GON4L: variants seen among roughly 807,000 people sequenced by gnomAD.
The protein encoded by GON4L is GON-4-like protein.
Under a neutral mutation model 211.8 loss-of-function variants are expected in GON4L, and 87 were observed. That is an observed-to-expected ratio of 0.41 (90% CI 0.35 to 0.49). The LOEUF (loss-of-function observed/expected upper bound fraction) is 0.49, where lower values mean the gene tolerates loss of function less well. Among genes scored for constraint, GON4L ranks in the 20% least tolerant of loss-of-function variants. The probability of loss-of-function intolerance (pLI) is 0.15; values close to 1 mark genes in which losing one functional copy is unlikely to be tolerated. For missense variants in GON4L, 2,155 were observed against 2,659.5 expected (o/e 0.81, Z 4.17); for synonymous variants, 875 against 962.6 (o/e 0.91, Z 1.68).
At chr1:155,834,607 A>G (rs1204176980) in intron 2 of GON4L, among the ~76,000 whole-genome samples, 1 of 152,174 alleles carries the variant, frequency 6.6e-6, no homozygotes, top group Non-Finnish European at 1.5e-5. Context: ...GATCAAAGAA[A>G]CTGGCCAAAA....
At chr1:155,842,146 G>A (rs1245390528) in intron 2 of GON4L, among the ~76,000 whole-genome samples, 3 of 152,124 alleles carry the variant, frequency 2.0e-5, no homozygotes, top group African/African-American at 7.2e-5. Flanking sequence ...AGGTTCAAAA[G>A]GCACTCTAAG....
intron 2 of GON4L, among the ~76,000 whole-genome samples, 170 bp downstream of exon 2, chr1:155,853,106 G>A (rs1174679196): frequency 2.0e-5 from 3 of 151,790 alleles, no homozygotes; most frequent in Non-Finnish European, 4.4e-5. Flanking sequence ...GCAAGACTCC[G>A]TCTCAAGAAA....
At chr1:155,759,966 T>A (rs866354710) in intron 24 of GON4L, among the ~76,000 whole-genome samples, 3 of 96,012 alleles carry the variant, frequency 3.1e-5, no homozygotes, top group East Asian at 2.1e-4. Flanking sequence ...TTTTATATAT[T>A]ATATATATAT....
At chr1:155,750,856 T>G in intron 31 of GON4L, 123 bp from the exon 32 acceptor site, 1 of 901,614 alleles carries the variant, frequency 1.1e-6, no homozygotes, top group East Asian at 2.8e-5. Flanking sequence ...CTCCGTCTCC[T>G]GGGTTCAAGC....
At position 155,765,742 on chromosome 1, in the gene GON4L, C is replaced by T; in HGVS notation, c.3731G>A (p.Gly1244Asp). 6.2e-7 allele frequency: 1 copy of T among 1,614,178 alleles called. No individual in the cohort carries two copies. The highest frequency in any genetic ancestry group is 8.5e-7 in the Non-Finnish European group (1 of 1,180,042). The change falls in exon 21 of 32, where the codon GGC becomes GAC. Residue 1244 changes from glycine (G) to aspartate (D), a missense_variant. Gly to Asp is a moderately conservative substitution (Grantham distance 94). Coordinates refer to ENST00000368331, the MANE Select transcript of GON4L (RefSeq NM_001282860.2). ...AVADGENAFQGLEPKLEPQEL... is the reference protein window; with the variant it reads ...AVADGENAFQDLEPKLEPQEL... The stretch of plus-strand genomic sequence containing the variant: ...CTGGGGCTCTAATTTGGGTTCTAGG[C>T]CCTGAAAGGCATTTTCCCCATCAGC...
At chr1:155,829,233 T>C (rs1669517577) in intron 2 of GON4L, among the ~76,000 whole-genome samples, 1 of 152,194 alleles carries the variant, frequency 6.6e-6, no homozygotes, top group Non-Finnish European at 1.5e-5. Flanking sequence ...CTTATGCTTC[T>C]CCTTTCTTTG....
rs950903174 is a variant in GON4L, at chr1:155,842,027, C to CA, written c.505+11248dup. Among the ~76,000 whole-genome samples the CA allele has an allele frequency of 3.2e-3, 429 of 135,286 alleles. 1 individual carries two copies. The highest frequency in any genetic ancestry group is 3.7e-3 in the Non-Finnish European group (232 of 62,332). The allele number at this position is 135,286 out of a possible 152,430, so 88.8% of individuals were successfully genotyped here. On this transcript the variant is annotated intron_variant, in intron 2 of 31. Coordinates refer to ENST00000368331, the MANE Select transcript of GON4L (RefSeq NM_001282860.2). Reference sequence around the variant, plus strand: ...TGAGTGACAGAGCAAGACTCCGTCTCAAAAAAAAAAAGAAACTTGAAAAAC... The same window carrying CA: ...TGAGTGACAGAGCAAGACTCCGTCTCAAAAAAAAAAAAGAAACTTGAAAAAC...
At chr1:155,776,773 G>A (rs1007429413) in intron 15 of GON4L, among the ~76,000 whole-genome samples, 3 of 151,808 alleles carry the variant, frequency 2.0e-5, no homozygotes, top group South Asian at 2.1e-4. Flanking sequence ...GGTTGCTCTC[G>A]AACTCCCTGG....
chr1:155,787,103 T>C (rs941248309), intron 12 of GON4L, among the ~76,000 whole-genome samples: 7 of 150,750 alleles, frequency 4.6e-5, no homozygotes, highest in African/African-American at 7.3e-5. Flanking sequence ...TTGTATTTTT[T>C]AGTAGAGACG....
At chr1:155,813,501 C>T in intron 10 of GON4L, 133 bp downstream of exon 10, 1 of 742,542 alleles carries the variant, frequency 1.3e-6, no homozygotes, top group Non-Finnish European at 2.3e-6. Flanking sequence ...TAGCACTAGC[C>T]AAATACAAAG....
upstream of GON4L, chr1:155,857,343 T>C (rs955038138): frequency 6.6e-6 from 1 of 152,300 alleles, no homozygotes; most frequent in Non-Finnish European, 1.5e-5. Flanking sequence ...CGTCAGTTAT[T>C]GGCAAAAAAA....
intron 10 of GON4L, among the ~76,000 whole-genome samples, chr1:155,812,357 G>T (rs920213286): frequency 1.3e-4 from 19 of 151,886 alleles, no homozygotes; most frequent in African/African-American, 4.6e-4. Flanking sequence ...AACTGTCAAG[G>T]TTATAAAAGA....
intron 10 of GON4L, among the ~76,000 whole-genome samples, chr1:155,808,975 G>A (rs1667427393): frequency 6.6e-6 from 1 of 151,996 alleles, no homozygotes; most frequent in Non-Finnish European, 1.5e-5. Flanking sequence ...GTATAGGGGT[G>A]CAGTCATGGC....
intron 3 of GON4L, among the ~76,000 whole-genome samples, chr1:155,826,045 C>CA (rs201671519): frequency 1.8e-3 from 263 of 148,814 alleles, no homozygotes; most frequent in Non-Finnish European, 2.5e-3. Context: ...GACTGTGTCT[C>CA]AAAAAAAAAG....
chr1:155,820,499 A>T, intron 6 of GON4L, 107 bp downstream of exon 6: 1 of 757,566 alleles, frequency 1.3e-6, no homozygotes, highest in Non-Finnish European at 2.4e-6. Context: ...ATTTCTTTAA[A>T]GAGGCAAATT....
intron 14 of GON4L, 135 bp downstream of exon 14, chr1:155,783,851 T>C (rs1223534003): frequency 2.3e-5 from 35 of 1,527,778 alleles, no homozygotes; most frequent in Non-Finnish European, 3.1e-5. Context: ...ACCTAACTCC[T>C]GACAGGGCTC....
In GON4L at chr1:155,828,176, G is replaced by A. The variant is rs199972531; in HGVS notation, c.506-1148C>T. 5.3e-4 allele frequency among the ~76,000 whole-genome samples: 65 copies of A among 122,424 alleles called. No individual in the cohort carries two copies. In the East Asian group the frequency reaches 7.6e-3, roughly 14 times the overall value. The allele number at this position is 122,424 out of a possible 152,430, so 80.3% of individuals were successfully genotyped here. The stretch of plus-strand genomic sequence containing the variant: ...CTGTCACACACACACACACACACAC[G>A]CAAAGAAATATTCATGTAGTATTAA... On this transcript the variant is annotated intron_variant, in intron 2 of 31. Coordinates refer to ENST00000368331, the MANE Select transcript of GON4L (RefSeq NM_001282860.2).
At chr1:155,820,769 C>A (rs1346827542) in intron 5 of GON4L, 113 bp from the exon 6 acceptor site, 1 of 789,998 alleles carries the variant, frequency 1.3e-6, no homozygotes, top group Non-Finnish European at 2.2e-6. Context: ...TGGCTTGAGG[C>A]AAGGAGTTTG....
chr1:155,813,221 C>G (rs1667950223), intron 10 of GON4L, among the ~76,000 whole-genome samples: 1 of 152,084 alleles, frequency 6.6e-6, no homozygotes, highest in South Asian at 2.1e-4. Context: ...CACTTGAGCC[C>G]AGGAGTTCAA....
Sources: allele counts gnomAD v4.1 joint callset (sites outside exome capture counted in the v4.1 genomes callset), GRCh38; gene constraint gnomAD v4.1.1; transcripts MANE v1.5; gene names NCBI Gene and HGNC (gene_info 2026-07-23, HGNC 2026-07-21).